The following CTCF variants were observed in gnomAD, a reference collection of about 807,000 sequenced individuals.
The protein encoded by CTCF is CCCTC-binding factor, also known as transcriptional repressor CTCF.
A neutral mutation model predicts 72.3 loss-of-function variants in CTCF; 7 were observed. The ratio of observed to expected loss-of-function variants is 0.10; its 90% CI spans 0.06 to 0.18. The LOEUF (loss-of-function observed/expected upper bound fraction) is 0.18. CTCF is among the 10% of genes least tolerant of loss of function. The probability of loss-of-function intolerance (pLI) is 1.00; values close to 1 mark genes in which losing one functional copy is unlikely to be tolerated. For synonymous variants in CTCF, 374 were observed against 315.8 expected, an observed-to-expected ratio of 1.18 and a Z score of -1.95; for missense variants, 516 against 949.1, an observed-to-expected ratio of 0.54 and a Z score of 6.00.
At chr16:67,617,880 A>T (rs1348289085) in intron 5 of CTCF, among the ~76,000 whole-genome samples, 1 of 152,226 alleles carries the variant, frequency 6.6e-6, no homozygotes, top group African/African-American at 2.4e-5. Context: ...AAATGAAATT[A>T]TTAGCCAATG....
chr16:67,589,129 A>C (rs979843135), intron 2 of CTCF, among the ~76,000 whole-genome samples: 3 of 152,060 alleles, frequency 2.0e-5, no homozygotes, highest in African/African-American at 7.2e-5. Context: ...CCACCTCTAC[A>C]AAATAATAAT....
intron 2 of CTCF, among the ~76,000 whole-genome samples, chr16:67,584,196 C>CCTGT (rs972006359): frequency 1.8e-4 from 27 of 151,750 alleles, no homozygotes; most frequent in African/African-American, 6.3e-4. Flanking sequence ...GTGGTGGGCA[C>CCTGT]CTGTAATCCC....
chr16:67,628,027 G>A (rs893730838), intron 8 of CTCF: 31 of 199,958 alleles, frequency 1.6e-4, no homozygotes, highest in Non-Finnish European at 2.7e-4. Context: ...TCCGGGAGGT[G>A]GAGGTTGCAG....
intron 7 of CTCF, among the ~76,000 whole-genome samples, chr16:67,621,982 G>T (rs771479600): frequency 4.1e-4 from 62 of 152,066 alleles, no homozygotes; most frequent in Non-Finnish European, 8.8e-5. Context: ...TAGGTAATGG[G>T]ACTGTTTTAT....
At chr16:67,610,501 C>G (rs1055931310) in intron 2 of CTCF, 1 of 153,770 alleles carries the variant, frequency 6.5e-6, no homozygotes, top group Non-Finnish European at 1.4e-5. Flanking sequence ...TACAGGCGCC[C>G]GCCACCATGC....
At chr16:67,566,340 C>A (rs970738206) in intron 1 of CTCF, among the ~76,000 whole-genome samples, 2 of 151,138 alleles carry the variant, frequency 1.3e-5, no homozygotes, top group Non-Finnish European at 2.9e-5. Flanking sequence ...CCCATCTTTA[C>A]CAAAAACACA....
At chr16:67,616,693 C>A in intron 4 of CTCF, 52 bp from the exon 5 acceptor site, 2 of 1,606,052 alleles carry the variant, frequency 1.2e-6, no homozygotes, top group South Asian at 1.1e-5. Context: ...TGAACTCTGT[C>A]ATTAACTGTG....
chr16:67,621,885 C>T (rs2052204095), intron 7 of CTCF, among the ~76,000 whole-genome samples: 1 of 151,804 alleles, frequency 6.6e-6, no homozygotes, highest in African/African-American at 2.4e-5. Flanking sequence ...AATTAGTAGC[C>T]TTCCTTCCCC....
intron 2 of CTCF, among the ~76,000 whole-genome samples, chr16:67,606,092 A>G (rs2051969453): frequency 6.6e-6 from 1 of 152,176 alleles, no homozygotes; most frequent in South Asian, 2.1e-4. Context: ...ATTGCCAGTC[A>G]TCTGAGGTAT....
intron 2 of CTCF, among the ~76,000 whole-genome samples, chr16:67,605,197 T>TGAA (rs2051958310): frequency 6.6e-6 from 1 of 152,034 alleles, no homozygotes; most frequent in African/African-American, 2.4e-5. Flanking sequence ...ATGGTCTCGG[T>TGAA]CTCCTGACCT....
intron 2 of CTCF, among the ~76,000 whole-genome samples, chr16:67,584,337 C>CTTTTTTTTTTT (rs904086024): frequency 3.8e-5 from 4 of 105,858 alleles, no homozygotes; most frequent in African/African-American, 8.5e-5. Context: ...AAAAAGTCTT[C>CTTTTTTTTTTT]TTTTTTTTTT....
intron 2 of CTCF, among the ~76,000 whole-genome samples, chr16:67,591,866 A>G (rs748486725): frequency 4.0e-5 from 6 of 151,724 alleles, no homozygotes; most frequent in Non-Finnish European, 8.8e-5. Flanking sequence ...ATGCCATCAT[A>G]CCTAGCTAAT....
intron 9 of CTCF, 123 bp downstream of exon 9, chr16:67,628,675 A>AGGAAACAATG: frequency 2.1e-6 from 2 of 965,988 alleles, no homozygotes; most frequent in Non-Finnish European, 3.2e-6. Flanking sequence ...TTGTTTGGAA[A>AGGAAACAATG]GGGTTAGTCA....
intron 2 of CTCF, among the ~76,000 whole-genome samples, chr16:67,605,502 GGAAGAATAAA>G (rs2142805373): frequency 6.6e-6 from 1 of 152,288 alleles, no homozygotes; most frequent in African/African-American, 2.4e-5. Context: ...AGAAGGTAAT[GGAAGAATAAA>G]CCAAACTGGC....
intron 2 of CTCF, among the ~76,000 whole-genome samples, chr16:67,576,536 C>T (rs1163005480): frequency 2.0e-5 from 3 of 150,648 alleles, no homozygotes; most frequent in East Asian, 1.9e-4. Flanking sequence ...TATGATACAT[C>T]CCTATAATAG....
intron 10 of CTCF, among the ~76,000 whole-genome samples, chr16:67,630,723 C>A (rs1319101322): frequency 6.6e-6 from 1 of 151,908 alleles, no homozygotes; most frequent in African/African-American, 2.4e-5. Context: ...CCACTGCCTT[C>A]CAGTCTGGTG....
At chr16:67,605,027 C>T (rs2051955866) in intron 2 of CTCF, among the ~76,000 whole-genome samples, 1 of 122,490 alleles carries the variant, frequency 8.2e-6, no homozygotes, top group Non-Finnish European at 1.6e-5. Context: ...GGCTGGAGTG[C>T]AGTGGCGCAA....
Position 67,636,833 on chromosome 16 carries a change from C to A in CTCF, c.1981C>A (p.Gln661Lys). Residue 661 changes from glutamine to lysine, a missense_variant, in exon 11 of 12, where the codon CAG becomes AAG. This residue lies in a region of CTCF where 157 missense variants were observed against 172.9 expected (regional missense o/e 0.91). Transcript: ENST00000264010. Reference sequence around the variant, plus strand: ...AGGACGACCCCCTGGCAGAACCAACCAGCCCAAACAGAACCAGCGTAAGTT... The same window carrying A: ...AGGACGACCCCCTGGCAGAACCAACAAGCCCAAACAGAACCAGCGTAAGTT... ...RRGRPPGRTN[Q>K]PKQNQPTAII... 2 of 1,593,980 alleles carry A rather than the reference C, an allele frequency of 1.3e-6. No homozygotes were observed. Among genetic ancestry groups the A allele is most frequent in the Non-Finnish European group, 1.7e-6 (2 of 1,169,866 alleles).
rs748162324 is a variant in CTCF at position 67,611,269 on chromosome 16, G to A, written c.437G>A (p.Gly146Asp). 2 of 1,614,122 alleles carry A rather than the reference G, an allele frequency of 1.2e-6. No homozygotes were observed. Among genetic ancestry groups the A allele is most frequent in the South Asian group, 2.2e-5 (2 of 91,088 alleles). The change falls in exon 3 of 12, where the codon GGC (glycine) becomes GAC (aspartate). Residue 146 changes from glycine (G) to aspartate (D), a missense_variant. Coordinates refer to ENST00000264010, the MANE Select transcript of CTCF (RefSeq NM_006565.4). ...TATGAAAATGAAGTGTCTAAAGAGG[G>A]CCTTGCGGAAAGTGAACCCATGATA... The part of the protein sequence containing the change: ...GAYENEVSKE[G>D]LAESEPMICH...
Sources: gnomAD v4.1 joint callset for allele counts (sites outside exome capture counted in the v4.1 genomes callset) on GRCh38, gnomAD v4.1.1 for gene constraint, gnomAD v4.1.1 regional missense constraint, MANE v1.5 for transcripts, NCBI Gene and HGNC (gene_info 2026-07-23, HGNC 2026-07-21) for gene names.